AGBL1: variants seen among roughly 807,000 people sequenced by gnomAD.
AGBL1 encodes the protein AGBL carboxypeptidase 1.
AGBL1 carries 130 observed loss-of-function variants against 118.9 expected under a neutral mutation model. The observed-to-expected ratio is 1.09, with a 90% CI of 0.95 to 1.26. The LOEUF (loss-of-function observed/expected upper bound fraction) is 1.26. Ranked by LOEUF, AGBL1 falls within the 50% of genes most tolerant of loss-of-function variation. AGBL1 has a pLI of 0.00. For synonymous variants in AGBL1, 555 were observed against 478.9 expected (o/e 1.16, Z -2.08); for missense variants, 1,584 against 1,298.1 (o/e 1.22, Z -3.38).
chr15:86,925,503 T>G (rs2080526732), intron 23 of AGBL1, among the ~76,000 whole-genome samples: 1 of 152,068 alleles, frequency 6.6e-6, no homozygotes, highest in African/African-American at 2.4e-5. Flanking sequence ...CTAAGTATTT[T>G]TCTTCTGTTC....
chr15:86,781,100 T>C (rs2078329770), intron 22 of AGBL1, among the ~76,000 whole-genome samples: 1 of 152,238 alleles, frequency 6.6e-6, no homozygotes, highest in Non-Finnish European at 1.5e-5. Flanking sequence ...TTTGTATTTA[T>C]TTGTTAATTC....
intron 22 of AGBL1, among the ~76,000 whole-genome samples, chr15:86,705,580 G>A (rs115747382): frequency 0.013 from 2,051 of 152,250 alleles, 34 homozygotes; most frequent in African/African-American, 0.046. Flanking sequence ...CCAGCCACTC[G>A]CTTCATTCCT....
intron 24 of AGBL1, among the ~76,000 whole-genome samples, chr15:87,005,494 C>T (rs1230398995): frequency 2.0e-5 from 3 of 152,202 alleles, no homozygotes; most frequent in Non-Finnish European, 4.4e-5. Context: ...GCTACTGAAC[C>T]TTGTGCATTC....
chr15:86,356,617 T>G (rs1354597878), intron 17 of AGBL1, among the ~76,000 whole-genome samples: 1 of 152,118 alleles, frequency 6.6e-6, no homozygotes, highest in Non-Finnish European at 1.5e-5. Context: ...CTGCATCCCA[T>G]GTGTTTGATG....
chr15:86,232,741 G>T (rs2078476734), intron 6 of AGBL1, among the ~76,000 whole-genome samples: 1 of 152,054 alleles, frequency 6.6e-6, no homozygotes. Context: ...TTCCCCTCTC[G>T]CTCTTTGATA....
At chr15:86,630,907 G>A (rs190518825) in intron 21 of AGBL1, 1 of 159,048 alleles carries the variant, frequency 6.3e-6, no homozygotes, top group East Asian at 1.8e-4. Context: ...AACATGAGGA[G>A]GTGTGGAGCA....
At chr15:86,579,860 T>A (rs1309428631) in intron 21 of AGBL1, among the ~76,000 whole-genome samples, 1 of 151,992 alleles carries the variant, frequency 6.6e-6, no homozygotes, top group Non-Finnish European at 1.5e-5. Flanking sequence ...GTTGAGGTGG[T>A]GAGGGAGGAA....
At chr15:86,321,561 G>T (rs2080105608) in intron 17 of AGBL1, among the ~76,000 whole-genome samples, 1 of 151,866 alleles carries the variant, frequency 6.6e-6, no homozygotes, top group Non-Finnish European at 1.5e-5. Context: ...CAGAGGTCAG[G>T]GGTTCGAGAC....
At chr15:86,812,073 T>C (rs1448075427) in intron 22 of AGBL1, among the ~76,000 whole-genome samples, 1 of 152,160 alleles carries the variant, frequency 6.6e-6, no homozygotes, top group African/African-American at 2.4e-5. Context: ...TGTGTAAGAG[T>C]AAGTAACTGA....
At chr15:86,922,782 G>A (rs2080493672) in intron 23 of AGBL1, among the ~76,000 whole-genome samples, 1 of 152,116 alleles carries the variant, frequency 6.6e-6, no homozygotes, top group African/African-American at 2.4e-5. Context: ...CAATCCAGGT[G>A]GAAAAGAGGC....
At chr15:86,363,214 G>T (rs1303981266) in intron 17 of AGBL1, among the ~76,000 whole-genome samples, 1 of 152,114 alleles carries the variant, frequency 6.6e-6, no homozygotes, top group African/African-American at 2.4e-5. Context: ...ACTTTTGTCT[G>T]CGGGGAATGA....
At chr15:86,823,360 G>A (rs1596519270) in intron 22 of AGBL1, among the ~76,000 whole-genome samples, 1 of 152,248 alleles carries the variant, frequency 6.6e-6, no homozygotes, top group Non-Finnish European at 1.5e-5. Context: ...CAGGCCAGTA[G>A]AAGTAACCCC....
At chr15:86,766,657 T>G (rs1304165407) in intron 22 of AGBL1, among the ~76,000 whole-genome samples, 1 of 151,872 alleles carries the variant, frequency 6.6e-6, no homozygotes, top group Non-Finnish European at 1.5e-5. Context: ...CATTTATTCT[T>G]TTGTCATATA....
intron 18 of AGBL1, among the ~76,000 whole-genome samples, chr15:86,492,596 GAA>G (rs998900235): frequency 2.8e-4 from 20 of 71,024 alleles, no homozygotes; most frequent in African/African-American, 6.9e-4. Flanking sequence ...TCAAAAAAAA[GAA>G]AAAAAAAAAA....
At position 86,227,175 on chromosome 15, in the gene AGBL1, A is replaced by G. The variant is rs141965928; in HGVS notation, c.526+2224A>G. 7.9e-5 allele frequency among the ~76,000 whole-genome samples: 12 copies of G among 152,368 alleles called. No homozygotes were observed. The East Asian group carries it at 2.1e-3, about 27-fold the overall frequency. On this transcript the variant is annotated intron_variant, in intron 6 of 22. Transcript: ENST00000614907. ...AGAACCAATGATCTAAACATTTGTG[A>G]TTCTCATCTCTATTTACCTGTTCTA...
At chr15:86,793,597 CAA>C (rs1398588163) in intron 22 of AGBL1, among the ~76,000 whole-genome samples, 2 of 152,014 alleles carry the variant, frequency 1.3e-5, no homozygotes, top group African/African-American at 4.8e-5. Flanking sequence ...GCACAAGTGA[CAA>C]AAGAAAACAG....
chr15:86,304,510 T>A (rs762449580), intron 17 of AGBL1, among the ~76,000 whole-genome samples: 6 of 152,218 alleles, frequency 3.9e-5, no homozygotes, highest in South Asian at 4.1e-4. Flanking sequence ...ACAGACTATA[T>A]GTTGTATTTT....
chr15:86,302,023 C>G (rs1344172523), intron 17 of AGBL1, among the ~76,000 whole-genome samples: 1 of 152,110 alleles, frequency 6.6e-6, no homozygotes, highest in Admixed American at 6.5e-5. Context: ...TGCATATCAA[C>G]AGTGACTCAC....
At chr15:87,008,144 C>T (rs1238611464) in intron 24 of AGBL1, among the ~76,000 whole-genome samples, 1 of 152,132 alleles carries the variant, frequency 6.6e-6, no homozygotes, top group African/African-American at 2.4e-5. Flanking sequence ...AAGAGATTGG[C>T]ATTTGAATTA....
Sources: allele counts gnomAD v4.1 joint callset (sites outside exome capture counted in the v4.1 genomes callset), GRCh38; gene constraint gnomAD v4.1.1; transcripts MANE v1.5; gene names NCBI Gene and HGNC (gene_info 2026-07-23, HGNC 2026-07-21).